The following FBN1 variants were observed in gnomAD, a reference collection of about 807,000 sequenced individuals.
The protein encoded by FBN1 is fibrillin 1, also known as fibrillin-1.
Under a neutral mutation model 365.1 loss-of-function variants are expected in FBN1, and 29 were observed. The observed-to-expected ratio is 0.08, with a 90% CI of 0.06 to 0.11. FBN1 has a LOEUF of 0.11. Ranked by LOEUF, FBN1 falls within the 10% of genes least tolerant of loss-of-function variation. FBN1 has a pLI of 1.00. For missense variants in FBN1, 2,476 were observed against 3,703.2 expected, an observed-to-expected ratio of 0.67 and a Z score of 8.60; for synonymous variants, 1,210 against 1,270.5, an observed-to-expected ratio of 0.95 and a Z score of 1.01.
intron 6 of FBN1, among the ~76,000 whole-genome samples, chr15:48,540,568 C>G (rs992237277): frequency 2.0e-5 from 3 of 152,082 alleles, no homozygotes; most frequent in Non-Finnish European, 2.9e-5. Flanking sequence ...TCTAATTCTT[C>G]ATTATTACAC....
At chr15:48,612,566 T>A (rs1021891285) in intron 3 of FBN1, among the ~76,000 whole-genome samples, 2 of 152,234 alleles carry the variant, frequency 1.3e-5, no homozygotes, top group Non-Finnish European at 2.9e-5. Flanking sequence ...TTTCCACTGA[T>A]CTTCGTCTGG....
chr15:48,555,259 C>T (rs985238810), intron 6 of FBN1, among the ~76,000 whole-genome samples: 4 of 152,148 alleles, frequency 2.6e-5, no homozygotes, highest in Admixed American at 2.6e-4. Flanking sequence ...TGCTCATTAT[C>T]GAGGACTGTG....
chr15:48,498,546 C>T (rs1443637596), intron 18 of FBN1, among the ~76,000 whole-genome samples: 2 of 152,184 alleles, frequency 1.3e-5, no homozygotes, highest in Non-Finnish European at 2.9e-5. Context: ...TGTCACTGCT[C>T]TCTATTGCCA....
intron 6 of FBN1, among the ~76,000 whole-genome samples, chr15:48,558,373 A>G (rs1057249917): frequency 1.3e-5 from 2 of 152,230 alleles, no homozygotes; most frequent in Admixed American, 1.3e-4. Context: ...GAGAGGGTTT[A>G]AATTATTAGA....
At chr15:48,545,465 T>C (rs1435814473) in intron 6 of FBN1, among the ~76,000 whole-genome samples, 1 of 152,130 alleles carries the variant, frequency 6.6e-6, no homozygotes, top group South Asian at 2.1e-4. Flanking sequence ...AAAAATAAAT[T>C]GATATAAAAT....
At chr15:48,629,053 C>T (rs1489207604) in intron 2 of FBN1, among the ~76,000 whole-genome samples, 2 of 152,196 alleles carry the variant, frequency 1.3e-5, no homozygotes, top group African/African-American at 2.4e-5. Context: ...TGGTGAAAGC[C>T]ATGTGTGGTC....
At position 48,534,229 on chromosome 15, in the gene FBN1, AG is replaced by A. The variant is rs368933927; in HGVS notation, c.737-25del. On this transcript the variant is annotated intron_variant, in intron 7 of 65. Transcript: ENST00000316623. ...ATCTGTCAGATTACAGAAGACAGAG[AG>A]AAAAAAAAAAAACTCATATGAAATT... 1,122 of 1,580,706 alleles carry A rather than the reference AG, an allele frequency of 7.1e-4. No homozygotes were observed. The East Asian group carries it at 0.02, about 28-fold the overall frequency.
At chr15:48,414,620 G>A (rs1432651201) in intron 64 of FBN1, among the ~76,000 whole-genome samples, 2 of 151,948 alleles carry the variant, frequency 1.3e-5, no homozygotes, top group Admixed American at 6.6e-5. Flanking sequence ...TTCCCGGCCG[G>A]GTACAGTGGC....
In FBN1 at chr15:48,618,221, G is replaced by C. The variant is rs141007888; in HGVS notation, c.165-5129C>G. Among the ~76,000 whole-genome samples, 443 of 152,034 alleles carry C rather than the reference G, an allele frequency of 2.9e-3. 5 individuals are homozygous for C. The highest frequency in any genetic ancestry group is 0.01 in the African/African-American group (421 of 41,436). ...ATATCTTAACATCCTACTGTTCCAA[G>C]GTTAAAATAACTTCCACTATAAAAA... On this transcript the variant is annotated intron_variant, in intron 2 of 65. Transcript: ENST00000316623.
chr15:48,640,074 AT>A (rs1890172011), intron 2 of FBN1, among the ~76,000 whole-genome samples: 1 of 152,172 alleles, frequency 6.6e-6, no homozygotes, highest in African/African-American at 2.4e-5. Context: ...ACATTTTAAT[AT>A]TCTTTAAAAT....
chr15:48,421,963 G>A lies in FBN1; in HGVS notation c.7559C>T (p.Thr2520Met), dbSNP rs763759308. ...KCPPGFTQHH[T>M]SCIDNNECTS... ...CCTCTCCTACTCACCAATGCAGGAC[G>A]TATGGTGTTGGGTAAATCCGGGAGG... Residue 2520 changes from threonine (T) to methionine (M), a missense_variant, in exon 61 of 66, where the codon ACG (threonine) becomes ATG (methionine). Physicochemically the swap from Thr to Met is moderately conservative, Grantham distance 81. Transcript: ENST00000316623. 74 of 1,609,154 alleles carry A rather than the reference G, an allele frequency of 4.6e-5. No individual in the cohort carries two copies. Among genetic ancestry groups the A allele is most frequent in the East Asian group, 2.9e-4 (13 of 44,864 alleles).
At chr15:48,599,427 A>G (rs76483460) in intron 5 of FBN1, among the ~76,000 whole-genome samples, 2,557 of 152,306 alleles carry the variant, frequency 0.017, 64 homozygotes, top group African/African-American at 0.059. Context: ...AATATGCATT[A>G]CAAGTCTAGA....
intron 57 of FBN1, 89 bp from the exon 58 acceptor site, chr15:48,427,862 A>G: frequency 8.7e-7 from 1 of 1,149,944 alleles, no homozygotes; most frequent in Non-Finnish European, 1.3e-6. Context: ...TAAAAACCAA[A>G]AAAGGATGTA....
chr15:48,552,937 T>C (rs2044154463), intron 6 of FBN1, among the ~76,000 whole-genome samples: 1 of 152,124 alleles, frequency 6.6e-6, no homozygotes, highest in Non-Finnish European at 1.5e-5. Flanking sequence ...TCAACTTAAT[T>C]TTTCTTCCTC....
At chr15:48,530,445 G>T (rs1268681417) in intron 8 of FBN1, among the ~76,000 whole-genome samples, 5 of 152,242 alleles carry the variant, frequency 3.3e-5, no homozygotes, top group African/African-American at 1.2e-4. Flanking sequence ...GTAACTCAGA[G>T]ATGGTAATTG....
chr15:48,432,736 AC>A (rs2043033140), intron 55 of FBN1, 129 bp downstream of exon 55: 1 of 1,211,140 alleles, frequency 8.3e-7, no homozygotes, highest in Non-Finnish European at 1.2e-6. Flanking sequence ...GGCAGTGACA[AC>A]CCCCGTATTG....
chr15:48,520,965 G>A (rs772098746), intron 9 of FBN1, 148 bp from the exon 10 acceptor site: 37 of 1,056,786 alleles, frequency 3.5e-5, no homozygotes, highest in African/African-American at 1.4e-4. Flanking sequence ...AGCTGCGAGC[G>A]CTGCACAGGA....
At chr15:48,491,201 CA>C (rs1185328244) in intron 24 of FBN1, among the ~76,000 whole-genome samples, 1 of 152,132 alleles carries the variant, frequency 6.6e-6, no homozygotes, top group African/African-American at 2.4e-5. Flanking sequence ...TCCTTAATTA[CA>C]AAAATACTTT....
At chr15:48,586,812 T>G (rs1011133846) in intron 6 of FBN1, among the ~76,000 whole-genome samples, 8 of 152,182 alleles carry the variant, frequency 5.3e-5, no homozygotes, top group African/African-American at 1.9e-4. Context: ...ATCTAGAATA[T>G]GAAAATGTTG....
Sources: gnomAD v4.1 joint callset for allele counts (sites outside exome capture counted in the v4.1 genomes callset) on GRCh38, gnomAD v4.1.1 for gene constraint, MANE v1.5 for transcripts, NCBI Gene and HGNC (gene_info 2026-07-23, HGNC 2026-07-21) for gene names.